EPC2: variants seen among roughly 807,000 people sequenced by gnomAD.
EPC2 encodes enhancer of polycomb 2.
A neutral mutation model predicts 92.1 loss-of-function variants in EPC2; 14 were observed. The observed-to-expected ratio is 0.15, with a 90% confidence interval of 0.10 to 0.24. EPC2 has a LOEUF of 0.24. EPC2 is among the 10% of genes least tolerant of loss of function. EPC2 has a pLI of 1.00. For missense variants in EPC2, 755 were observed against 971.5 expected (o/e 0.78, Z 2.96); for synonymous variants, 340 against 334.7 (o/e 1.02, Z -0.17).
At chr2:148,744,818 G>GA (rs1682949321) in intron 3 of EPC2, among the ~76,000 whole-genome samples, 1 of 151,906 alleles carries the variant, frequency 6.6e-6, no homozygotes, top group African/African-American at 2.4e-5. Flanking sequence ...AGAAGTTAGA[G>GA]TTGCAAATAA....
At chr2:148,750,884 G>A (rs776010384) in intron 3 of EPC2, among the ~76,000 whole-genome samples, 11 of 152,134 alleles carry the variant, frequency 7.2e-5, no homozygotes, top group Admixed American at 2.6e-4. Flanking sequence ...AAAAGAAGTT[G>A]TGTAGCAAAG....
chr2:148,678,588 C>G (rs1289274233), intron 1 of EPC2, among the ~76,000 whole-genome samples: 1 of 152,256 alleles, frequency 6.6e-6, no homozygotes, highest in East Asian at 1.9e-4. Flanking sequence ...GAGCGCAGCA[C>G]TGGTGGGCTG....
intron 1 of EPC2, among the ~76,000 whole-genome samples, chr2:148,660,573 GTTTTT>G (rs946123889): frequency 7.0e-6 from 1 of 143,584 alleles, no homozygotes; most frequent in African/African-American, 2.5e-5. Flanking sequence ...ATCAGTCAGA[GTTTTT>G]TTTTTTTTAA....
At chr2:148,764,596 A>T (rs1683372765) in intron 6 of EPC2, among the ~76,000 whole-genome samples, 1 of 152,146 alleles carries the variant, frequency 6.6e-6, no homozygotes, top group Admixed American at 6.5e-5. Flanking sequence ...TGAAGATTTT[A>T]AAAAATAAAA....
intron 8 of EPC2, among the ~76,000 whole-genome samples, chr2:148,770,312 T>G (rs1259657476): frequency 6.6e-6 from 1 of 152,146 alleles, no homozygotes; most frequent in African/African-American, 2.4e-5. Flanking sequence ...AGTGCTAGGA[T>G]TACAGGCATG....
intron 1 of EPC2, among the ~76,000 whole-genome samples, chr2:148,654,910 ATTAG>A (rs750252789): frequency 1.8e-4 from 27 of 152,078 alleles, no homozygotes; most frequent in African/African-American, 4.8e-4. Flanking sequence ...AGGTTAGATG[ATTAG>A]TTAGTTATGG....
intron 2 of EPC2, among the ~76,000 whole-genome samples, chr2:148,725,510 C>T (rs534343411): frequency 4.3e-4 from 66 of 152,146 alleles, no homozygotes; most frequent in Non-Finnish European, 7.2e-4. Flanking sequence ...TTTTATATAA[C>T]CACAGCATTG....
chr2:148,651,059 A>G (rs1307394397), intron 1 of EPC2, among the ~76,000 whole-genome samples: 1 of 152,198 alleles, frequency 6.6e-6, no homozygotes, highest in Non-Finnish European at 1.5e-5. Flanking sequence ...AGCATTAGAG[A>G]AAGTTAAATG....
At chr2:148,680,143 T>G (rs1240852048) in intron 1 of EPC2, among the ~76,000 whole-genome samples, 1 of 152,108 alleles carries the variant, frequency 6.6e-6, no homozygotes, top group Non-Finnish European at 1.5e-5. Flanking sequence ...GACATAATGT[T>G]TTCTCTGCCT....
At chr2:148,773,115 G>GTGTA (rs2105433149) in intron 10 of EPC2, among the ~76,000 whole-genome samples, 1 of 152,134 alleles carries the variant, frequency 6.6e-6, no homozygotes, top group African/African-American at 2.4e-5. Flanking sequence ...TTTCCAGAAA[G>GTGTA]TGTATATATG....
chr2:148,693,055 G>T (rs1256648826), intron 2 of EPC2, among the ~76,000 whole-genome samples: 2 of 151,972 alleles, frequency 1.3e-5, no homozygotes, highest in African/African-American at 4.8e-5. Context: ...TTTTCCATCA[G>T]TTTGATATTT....
intron 2 of EPC2, among the ~76,000 whole-genome samples, chr2:148,703,507 AAAAATGAGGG>A (rs1681929685): frequency 6.6e-6 from 1 of 152,034 alleles, no homozygotes; most frequent in African/African-American, 2.4e-5. Context: ...GTGAGGCCTG[AAAAATGAGGG>A]TTTTTGTTCT....
intron 1 of EPC2, among the ~76,000 whole-genome samples, chr2:148,679,393 C>G (rs1446722595): frequency 6.6e-6 from 1 of 152,062 alleles, no homozygotes; most frequent in Non-Finnish European, 1.5e-5. Flanking sequence ...AAATATCTAC[C>G]AATATATCCC....
chr2:148,726,462 A>G (rs952215293), intron 2 of EPC2, among the ~76,000 whole-genome samples: 3 of 152,158 alleles, frequency 2.0e-5, no homozygotes, highest in Non-Finnish European at 4.4e-5. Flanking sequence ...AATCCTTGCC[A>G]ACATGTGTAA....
chr2:148,666,081 CT>C (rs1382121045), intron 1 of EPC2, among the ~76,000 whole-genome samples: 1 of 152,142 alleles, frequency 6.6e-6, no homozygotes, highest in African/African-American at 2.4e-5. Flanking sequence ...ATAGCATGTT[CT>C]TTAGGCCACG....
At chr2:148,737,812 T>TAA (rs1173824162) in intron 2 of EPC2, among the ~76,000 whole-genome samples, 1 of 144,398 alleles carries the variant, frequency 6.9e-6, no homozygotes, top group African/African-American at 2.5e-5. Flanking sequence ...CCGATGAGCT[T>TAA]AAAAAAAAAA....
chr2:148,762,614 CCTT>C, intron 5 of EPC2, 53 bp from the exon 6 acceptor site: 1 of 1,307,844 alleles, frequency 7.6e-7, no homozygotes, highest in Non-Finnish European at 1.0e-6. Context: ...CACTTATTTT[CCTT>C]CTTTATTGTC....
At chr2:148,721,467 G>T (rs1432749425) in intron 2 of EPC2, among the ~76,000 whole-genome samples, 2 of 151,642 alleles carry the variant, frequency 1.3e-5, no homozygotes, top group Admixed American at 1.3e-4. Context: ...TTCTTTCAAG[G>T]TTTTTTCTTT....
intron 1 of EPC2, among the ~76,000 whole-genome samples, chr2:148,676,241 G>C (rs968418214): frequency 6.6e-6 from 1 of 151,628 alleles, no homozygotes; most frequent in Non-Finnish European, 1.5e-5. Context: ...ATGCTCAAGC[G>C]TAATTATAGT....
Sources: gnomAD v4.1 joint callset for allele counts (sites outside exome capture counted in the v4.1 genomes callset) on GRCh38, gnomAD v4.1.1 for gene constraint, MANE v1.5 for transcripts, NCBI Gene and HGNC (gene_info 2026-07-23, HGNC 2026-07-21) for gene names.